GABRG1: variants seen among roughly 807,000 people sequenced by gnomAD.
GABRG1 encodes gamma-aminobutyric acid type A receptor subunit gamma1.
Under a neutral mutation model 49.8 loss-of-function variants are expected in GABRG1, and 49 were observed. The observed-to-expected ratio is 0.98, with a 90% CI of 0.78 to 1.25. GABRG1 has a LOEUF of 1.25. Among genes scored for constraint, GABRG1 ranks in the 50% most tolerant of loss-of-function variants. The pLI is 0.00. For missense variants in GABRG1, 552 were observed against 552.3 expected, an observed-to-expected ratio of 1.00 and a Z score of 0.01; for synonymous variants, 232 against 185.1, an observed-to-expected ratio of 1.25 and a Z score of -2.06.
rs1049950786 is a variant in GABRG1 at position 46,035,893 on chromosome 4, A to C, written c.*5095T>G. ...GCCACAAAATTACAAATGTTCCTCA[A>C]AACAATGAGGCAGTAGCAGAATAAC... On this transcript the variant is annotated 3_prime_UTR_variant, in exon 9 of 9. Transcript: ENST00000295452. The C allele has an allele frequency of 3.9e-5, 6 of 152,016 alleles. No homozygotes were observed. Among genetic ancestry groups the C allele is most frequent in the African/African-American group, 1.4e-4 (6 of 41,438 alleles). 9.4% of individuals were successfully genotyped at this position (152,016 alleles called of 1,614,324 possible).
At chr4:46,091,334 G>A (rs1497575) in intron 2 of GABRG1, among the ~76,000 whole-genome samples, 92,771 of 151,854 alleles carry the variant, frequency 0.61, 30,135 homozygotes, top group African/African-American at 0.84. Context: ...ATAAAATAAT[G>A]TCATGTAGAA....
In GABRG1 at chr4:46,041,103, C is replaced by T. The variant is rs79036998; in HGVS notation, c.1283G>A (p.Arg428Lys). Reference sequence around the variant, plus strand: ...AATGCGTATGTGTATCCTTCCTTCCCTCCAAGATCCTGTTCTGCAGTCTTC... The same window carrying T: ...AATGCGTATGTGTATCCTTCCTTCCTTCCAAGATCCTGTTCTGCAGTCTTC... ...CFEDCRTGSW[R>K]EGRIHIRIAK... Residue 428 changes from arginine (R) to lysine (K), a missense_variant, in exon 9 of 9, where the codon AGG becomes AAG. By Grantham distance (26) the Arg-to-Lys change is conservative. Transcript: ENST00000295452. 3 of 1,613,204 alleles carry T rather than the reference C, an allele frequency of 1.9e-6. No homozygotes were observed. The highest frequency in any genetic ancestry group is 2.5e-6 in the Non-Finnish European group (3 of 1,179,430).
At chr4:46,089,070 G>A (rs183043243) in intron 2 of GABRG1, among the ~76,000 whole-genome samples, 27 of 151,938 alleles carry the variant, frequency 1.8e-4, no homozygotes, top group Admixed American at 6.6e-4. Context: ...TATAAAGCAC[G>A]CCAAAAGAAA....
rs764371753 is a variant in GABRG1, at chr4:46,072,790, G to A, written c.322-7206C>T. Among the ~76,000 whole-genome samples the A allele has an allele frequency of 2.2e-4, 34 of 151,278 alleles. No homozygotes were observed. The Middle Eastern group carries it at 0.01, about 45-fold the overall frequency. ...GAAAAACCATTGTGATGCTAGCTTCGCATGTGCGATGAATTTTTTAATTAA... is the reference window on the plus strand; with the variant it reads ...GAAAAACCATTGTGATGCTAGCTTCACATGTGCGATGAATTTTTTAATTAA... On this transcript the variant is annotated intron_variant, in intron 3 of 8. Transcript: ENST00000295452.
chr4:46,097,100 A>T, intron 2 of GABRG1, 101 bp downstream of exon 2: 2 of 1,002,718 alleles, frequency 2.0e-6, no homozygotes, highest in South Asian at 2.5e-5. Context: ...ATTCTCTGAC[A>T]TACATCAGAC....
intron 3 of GABRG1, among the ~76,000 whole-genome samples, chr4:46,067,026 G>T (rs940617462): frequency 2.0e-5 from 3 of 151,484 alleles, no homozygotes; most frequent in Non-Finnish European, 2.9e-5. Flanking sequence ...ACTTGATGTC[G>T]TATTAGCAAT....
chr4:46,072,208 A>G (rs1219974364), intron 3 of GABRG1, among the ~76,000 whole-genome samples: 1 of 152,120 alleles, frequency 6.6e-6, no homozygotes, highest in Non-Finnish European at 1.5e-5. Flanking sequence ...GCATTGGGCT[A>G]TATGATACAG....
At chr4:46,084,616 AAAAATACACTTAAT>A (rs1454919479) in intron 2 of GABRG1, among the ~76,000 whole-genome samples, 2 of 151,664 alleles carry the variant, frequency 1.3e-5, no homozygotes, top group African/African-American at 4.8e-5. Flanking sequence ...CCTTGCAATT[AAAAATACACTTAAT>A]AAAACACACA....
intron 1 of GABRG1, among the ~76,000 whole-genome samples, chr4:46,114,646 ATAAG>A (rs1317653247): frequency 6.6e-6 from 1 of 151,052 alleles, no homozygotes; most frequent in Non-Finnish European, 1.5e-5. Flanking sequence ...AAATCAATGA[ATAAG>A]TAAGTGAACA....
chr4:46,121,694 A>G (rs1721093395), intron 1 of GABRG1, among the ~76,000 whole-genome samples: 1 of 151,692 alleles, frequency 6.6e-6, no homozygotes, highest in East Asian at 1.9e-4. Flanking sequence ...ATTCTTAAAA[A>G]TTATGTTTTT....
At chr4:46,071,778 A>T (rs1199347523) in intron 3 of GABRG1, among the ~76,000 whole-genome samples, 1 of 152,038 alleles carries the variant, frequency 6.6e-6, no homozygotes, top group Non-Finnish European at 1.5e-5. Flanking sequence ...ACACAAAGAA[A>T]ATACTTTGTA....
intron 1 of GABRG1, among the ~76,000 whole-genome samples, chr4:46,105,198 G>A (rs924450896): frequency 3.3e-5 from 5 of 151,282 alleles, no homozygotes; most frequent in African/African-American, 1.2e-4. Context: ...TAAGGCCTGG[G>A]CAAATTATTG....
chr4:46,106,583 C>A (rs1280265379), intron 1 of GABRG1, among the ~76,000 whole-genome samples: 2 of 151,434 alleles, frequency 1.3e-5, no homozygotes, highest in African/African-American at 4.8e-5. Flanking sequence ...CATAAACGCT[C>A]ATAGCTTGAA....
Position 46,047,144 on chromosome 4 carries a change from C to T in GABRG1, c.1131+4280G>A, listed in dbSNP as rs541835561. On this transcript the variant is annotated intron_variant, in intron 8 of 8. Transcript: ENST00000295452. ...TATTGAGCACTTGAAATGCGACTAG[C>T]GCTACTAAGATACTGAATATTATAT... Among the ~76,000 whole-genome samples the T allele has an allele frequency of 3.3e-5, 5 of 152,160 alleles. No individual in the cohort carries two copies. In the East Asian group the frequency reaches 5.8e-4, roughly 18 times the overall value.
intron 8 of GABRG1, among the ~76,000 whole-genome samples, chr4:46,044,672 C>T (rs1012825956): frequency 6.6e-6 from 1 of 152,068 alleles, no homozygotes; most frequent in Admixed American, 6.6e-5. Flanking sequence ...TCTACTCTTC[C>T]ACTCAGTATA....
rs144073301 is a variant in GABRG1 at position 46,104,637 on chromosome 4, T to C, written c.105-7288A>G. 2.5e-3 allele frequency among the ~76,000 whole-genome samples: 377 copies of C among 151,664 alleles called. 1 individual carries two copies. Among genetic ancestry groups the C allele is most frequent in the African/African-American group, 8.8e-3 (367 of 41,480 alleles). ...TTATAAAATAAAACACCTATTTATA[T>C]GTATTGGTTATTTTGCCTTATGTAA... is the stretch of plus-strand genomic sequence containing the variant. On this transcript the variant is annotated intron_variant, in intron 1 of 8. Transcript: ENST00000295452.
chr4:46,112,409 T>C (rs946447059), intron 1 of GABRG1, among the ~76,000 whole-genome samples: 6 of 151,402 alleles, frequency 4.0e-5, no homozygotes, highest in Admixed American at 4.0e-4. Context: ...GTTCTGCCAA[T>C]GTGGAAAGCA....
At chr4:46,066,898 A>G (rs749360745) in intron 3 of GABRG1, among the ~76,000 whole-genome samples, 2 of 151,392 alleles carry the variant, frequency 1.3e-5, no homozygotes, top group Non-Finnish European at 2.9e-5. Context: ...GTGTGTATAT[A>G]TGTGTGTGTA....
chr4:46,111,238 C>T (rs1272804443), intron 1 of GABRG1, among the ~76,000 whole-genome samples: 1 of 150,736 alleles, frequency 6.6e-6, no homozygotes, highest in African/African-American at 2.4e-5. Context: ...AGAATGTAAT[C>T]CCATTTACAA....
Sources: gnomAD v4.1 joint callset for allele counts (sites outside exome capture counted in the v4.1 genomes callset) on GRCh38, gnomAD v4.1.1 for gene constraint, MANE v1.5 for transcripts, NCBI Gene and HGNC (gene_info 2026-07-23, HGNC 2026-07-21) for gene names.